DIS3L2: variants seen among roughly 807,000 people sequenced by gnomAD.
The protein encoded by DIS3L2 is DIS3 like 3'-5' exoribonuclease 2.
In DIS3L2, 34 loss-of-function variants were observed where a neutral mutation model predicts 97.5. The observed-to-expected ratio is 0.35, with a 90% confidence interval of 0.27 to 0.46. The LOEUF (loss-of-function observed/expected upper bound fraction) is 0.46, where lower values mean the gene tolerates loss of function less well. Among genes scored for constraint, DIS3L2 ranks in the 20% least tolerant of loss-of-function variants. DIS3L2 has a pLI of 1.00. For missense variants in DIS3L2, 1,038 were observed against 1,146.0 expected (o/e 0.91, Z 1.36); for synonymous variants, 435 against 445.2 (o/e 0.98, Z 0.29).
chr2:232,258,923 C>T (rs770502964), intron 12 of DIS3L2, among the ~76,000 whole-genome samples: 3 of 152,124 alleles, frequency 2.0e-5, no homozygotes, highest in Non-Finnish European at 2.9e-5. Flanking sequence ...TTCTGCTTGG[C>T]GTCTGCAGAA....
intron 4 of DIS3L2, among the ~76,000 whole-genome samples, chr2:232,028,216 T>A (rs1054006383): frequency 2.0e-5 from 3 of 152,190 alleles, no homozygotes; most frequent in African/African-American, 7.2e-5. Context: ...GGGAAGTTCA[T>A]TATCTATTTT....
Position 232,329,849 on chromosome 2 carries a change from A to G in DIS3L2, c.1776A>G (p.Ala592=). The G allele has an allele frequency of 7.0e-7, 1 of 1,438,146 alleles. No homozygotes were observed. Among genetic ancestry groups the G allele is most frequent in the East Asian group, 3.4e-5 (1 of 29,672 alleles). 89.1% of individuals were successfully genotyped at this position (1,438,146 alleles called of 1,614,324 possible). ...VEEFMLLANM[A]VAHKIHRAFP... is the part of the protein sequence containing the mutation. ...AGTTCATGCTCTTGGCCAACATGGC[A>G]GTGGCCCACAAGATCCACCGCGCCT... The change falls in exon 15 of 21, where the codon GCA becomes GCG. Residue 592 remains alanine, a synonymous_variant. Coordinates refer to ENST00000325385, the MANE Select transcript of DIS3L2 (RefSeq NM_152383.5).
chr2:232,274,246 A>G (rs1694082148), intron 13 of DIS3L2, among the ~76,000 whole-genome samples: 1 of 152,080 alleles, frequency 6.6e-6, no homozygotes, highest in Non-Finnish European at 1.5e-5. Context: ...GACAAATGGA[A>G]CAGAATTTGG....
chr2:232,131,485 G>T (rs963297360), intron 7 of DIS3L2: 1 of 151,982 alleles, frequency 6.6e-6, no homozygotes, highest in Non-Finnish European at 1.5e-5. Flanking sequence ...TAGAAATGGG[G>T]TTTCGCCAGG....
At chr2:232,184,062 T>C (rs1477841029) in intron 9 of DIS3L2, among the ~76,000 whole-genome samples, 1 of 152,216 alleles carries the variant, frequency 6.6e-6, no homozygotes, top group East Asian at 1.9e-4. Context: ...TTCAGTGTCC[T>C]TGTTGATATT....
intron 9 of DIS3L2, among the ~76,000 whole-genome samples, chr2:232,175,912 G>A (rs1228785963): frequency 6.6e-6 from 1 of 151,642 alleles, no homozygotes; most frequent in Non-Finnish European, 1.5e-5. Context: ...ATTTTTAGAC[G>A]GAGTTTCACT....
rs2106239934 is a variant in DIS3L2, at chr2:232,030,096, CCTTT to C, written c.366+19_366+22del. ...GCATTGGAAGGTGAGTTAAGTTTTC[CCTTT>C]CTAATTACAGATTTCTTAGGGTCTT... On this transcript the variant is annotated intron_variant, in intron 5 of 20. Transcript: ENST00000325385. 6.2e-7 allele frequency: 1 copy of C among 1,602,536 alleles called. No individual in the cohort carries two copies. Among genetic ancestry groups the C allele is most frequent in the African/African-American group, 1.3e-5 (1 of 74,464 alleles).
At chr2:232,192,691 C>G (rs1691647571) in intron 9 of DIS3L2, among the ~76,000 whole-genome samples, 1 of 152,244 alleles carries the variant, frequency 6.6e-6, no homozygotes. Flanking sequence ...CTGTAATGTC[C>G]TGTCGTAGCT....
intron 9 of DIS3L2, among the ~76,000 whole-genome samples, chr2:232,204,454 GTTC>G (rs1691976083): frequency 6.6e-6 from 1 of 152,124 alleles, no homozygotes; most frequent in African/African-American, 2.4e-5. Flanking sequence ...TCTTTAAAAA[GTTC>G]TTCTAAGCCC....
chr2:232,245,987 G>C (rs1168782463), intron 11 of DIS3L2, among the ~76,000 whole-genome samples: 1 of 152,358 alleles, frequency 6.6e-6, no homozygotes, highest in East Asian at 1.9e-4. Flanking sequence ...GCAGAAGCCA[G>C]TCAGTTGTCT....
chr2:232,169,737 A>G (rs1453015471), intron 9 of DIS3L2, among the ~76,000 whole-genome samples: 1 of 152,156 alleles, frequency 6.6e-6, no homozygotes, highest in African/African-American at 2.4e-5. Flanking sequence ...GGCTCTAGCT[A>G]CATAAGAACT....
chr2:232,308,347 C>T (rs576430157), intron 14 of DIS3L2, among the ~76,000 whole-genome samples: 167 of 152,334 alleles, frequency 1.1e-3, no homozygotes, highest in Non-Finnish European at 2.0e-3. Context: ...CTGGCAGATC[C>T]GTTGTCCCTG....
Position 232,319,401 on chromosome 2 carries a change from T to C in DIS3L2, c.1740-10412T>C, listed in dbSNP as rs201125289. Among the ~76,000 whole-genome samples, 3 of 152,300 alleles carry C rather than the reference T, an allele frequency of 2.0e-5. No homozygotes were observed. The East Asian group carries it at 5.8e-4, about 29-fold the overall frequency. ...GCACATGAGGAACTGGGCTTGAGTA[T>C]CACAAAGATTTACTGGTAAATGGAC... is the stretch of plus-strand genomic sequence containing the variant. On this transcript the variant is annotated intron_variant, in intron 14 of 20. Coordinates refer to ENST00000325385, the MANE Select transcript of DIS3L2 (RefSeq NM_152383.5).
chr2:232,199,778 A>G (rs1691843303), intron 9 of DIS3L2, among the ~76,000 whole-genome samples: 1 of 152,162 alleles, frequency 6.6e-6, no homozygotes, highest in South Asian at 2.1e-4. Flanking sequence ...GGGAGAGGTA[A>G]GAGCTGGGGG....
intron 5 of DIS3L2, among the ~76,000 whole-genome samples, chr2:232,055,327 A>G (rs549756218): frequency 2.6e-4 from 39 of 152,332 alleles, no homozygotes; most frequent in African/African-American, 8.9e-4. Context: ...TACATGGAGA[A>G]TTTAAAAGGC....
At chr2:232,219,357 G>C (rs1444781098) in intron 10 of DIS3L2, among the ~76,000 whole-genome samples, 1 of 152,098 alleles carries the variant, frequency 6.6e-6, no homozygotes, top group East Asian at 1.9e-4. Context: ...GTTTGGTCTA[G>C]TCAGATCTAG....
At chr2:232,027,899 C>T (rs1324936062) in intron 4 of DIS3L2, among the ~76,000 whole-genome samples, 3 of 152,122 alleles carry the variant, frequency 2.0e-5, no homozygotes, top group Admixed American at 1.3e-4. Context: ...TGCCTTTTAT[C>T]CTATTTGGGG....
At chr2:232,141,602 C>T (rs1245691475) in intron 8 of DIS3L2, among the ~76,000 whole-genome samples, 3 of 152,070 alleles carry the variant, frequency 2.0e-5, no homozygotes, top group Non-Finnish European at 4.4e-5. Flanking sequence ...GTGCTGCTGG[C>T]TTTAATGAGT....
chr2:232,175,930 T>A (rs1255507086), intron 9 of DIS3L2, among the ~76,000 whole-genome samples: 3 of 152,174 alleles, frequency 2.0e-5, no homozygotes, highest in African/African-American at 7.2e-5. Flanking sequence ...ACTCTTGTTG[T>A]CCAAACTGGA....
Sources: gnomAD v4.1 joint callset for allele counts (sites outside exome capture counted in the v4.1 genomes callset) on GRCh38, gnomAD v4.1.1 for gene constraint, MANE v1.5 for transcripts, NCBI Gene and HGNC (gene_info 2026-07-23, HGNC 2026-07-21) for gene names.